Variants in PPP1R12B observed in about 807,000 individuals in gnomAD.
PPP1R12B encodes protein phosphatase 1 regulatory subunit 12B.
Under a neutral mutation model 126.1 loss-of-function variants are expected in PPP1R12B, and 76 were observed. The ratio of observed to expected loss-of-function variants is 0.60; its 90% confidence interval spans 0.50 to 0.73. The LOEUF (loss-of-function observed/expected upper bound fraction) is 0.73. PPP1R12B is among the 30% of genes least tolerant of loss of function. The pLI is 0.00. For missense variants in PPP1R12B, 1,052 were observed against 1,205.1 expected, an observed-to-expected ratio of 0.87 and a Z score of 1.88; for synonymous variants, 356 against 434.7, an observed-to-expected ratio of 0.82 and a Z score of 2.25.
rs773926784 is a variant in PPP1R12B at position 202,562,606 on chromosome 1, C to T, written c.2508-172C>T. 14 of 819,312 alleles carry T rather than the reference C, an allele frequency of 1.7e-5. No homozygotes were observed. The South Asian group carries it at 1.7e-4, about 10-fold the overall frequency. 50.8% of individuals were successfully genotyped at this position (819,312 alleles called of 1,614,324 possible). A position where few individuals can be genotyped will look rare whatever the true frequency, so the allele number is the denominator to read the frequency against. On this transcript the variant is annotated intron_variant, in intron 19 of 23. Transcript: ENST00000608999. ...CTCTCCAAGCTCGTGCAGTTTAGCC[C>T]TGAGGTCTGGGAACGCTGGCAGAGA...
intron 18 of PPP1R12B, among the ~76,000 whole-genome samples, chr1:202,532,381 C>T (rs1163393795): frequency 3.3e-5 from 5 of 152,140 alleles, no homozygotes; most frequent in Non-Finnish European, 5.9e-5. Context: ...ACTGAGAATG[C>T]CTTAACCTCT....
intron 18 of PPP1R12B, among the ~76,000 whole-genome samples, chr1:202,519,238 G>T (rs1230693564): frequency 6.6e-6 from 1 of 151,944 alleles, no homozygotes; most frequent in Non-Finnish European, 1.5e-5. Context: ...AGTTTTCCTT[G>T]CCACTTCAAC....
chr1:202,446,574 A>C (rs1373960500), intron 12 of PPP1R12B, among the ~76,000 whole-genome samples: 4 of 148,096 alleles, frequency 2.7e-5, no homozygotes, highest in Non-Finnish European at 6.0e-5. Flanking sequence ...ACTATATTTT[A>C]CATATATAAT....
chr1:202,436,293 A>AC (rs1558223239), intron 9 of PPP1R12B, among the ~76,000 whole-genome samples: 2 of 151,848 alleles, frequency 1.3e-5, no homozygotes, highest in African/African-American at 4.8e-5. Flanking sequence ...CAACAACAAC[A>AC]ACACACACAC....
chr1:202,366,290 G>A (rs1210509468), intron 1 of PPP1R12B, among the ~76,000 whole-genome samples: 3 of 151,958 alleles, frequency 2.0e-5, no homozygotes, highest in East Asian at 3.9e-4. Flanking sequence ...AGGCTGAGGC[G>A]GGCAGATCAC....
At position 202,474,701 on chromosome 1, in the gene PPP1R12B, T is replaced by C. The variant is rs75712880; in HGVS notation, c.1851-13832T>C. On this transcript the variant is annotated intron_variant, in intron 13 of 23. Transcript: ENST00000608999. ...ATTGGATTCTCGGGACTTCTAGAGC[T>C]GTGGTGTGCAGTATGGTAATCAGTA... Among the ~76,000 whole-genome samples, 812 of 152,324 alleles carry C rather than the reference T, an allele frequency of 5.3e-3. 5 individuals are homozygous for C. The highest frequency in any genetic ancestry group is 0.018 in the African/African-American group (744 of 41,576).
At chr1:202,432,677 T>C (rs1571987737) in intron 8 of PPP1R12B, among the ~76,000 whole-genome samples, 1 of 152,336 alleles carries the variant, frequency 6.6e-6, no homozygotes, top group South Asian at 2.1e-4. Flanking sequence ...GGTTTTGATT[T>C]ATAGTCAGGC....
At chr1:202,441,396 G>A (rs1298586006) in intron 11 of PPP1R12B, among the ~76,000 whole-genome samples, 2 of 152,042 alleles carry the variant, frequency 1.3e-5, no homozygotes, top group Admixed American at 6.6e-5. Context: ...TCCAGACCTC[G>A]AGTGGTCCTC....
At chr1:202,418,526 C>T (rs558421375) in intron 2 of PPP1R12B, among the ~76,000 whole-genome samples, 1 of 150,586 alleles carries the variant, frequency 6.6e-6, no homozygotes, top group African/African-American at 2.4e-5. Context: ...AAATATAATT[C>T]TTCTGGAAGT....
chr1:202,566,592 C>T (rs1688069518), intron 21 of PPP1R12B, among the ~76,000 whole-genome samples: 1 of 152,196 alleles, frequency 6.6e-6, no homozygotes, highest in Non-Finnish European at 1.5e-5. Flanking sequence ...ATGAAATCAT[C>T]ACAACTTCTA....
intron 8 of PPP1R12B, among the ~76,000 whole-genome samples, chr1:202,434,087 C>G (rs1009742423): frequency 2.6e-5 from 4 of 152,170 alleles, no homozygotes; most frequent in South Asian, 4.1e-4. Flanking sequence ...TACAATAAAA[C>G]TTTACATTTG....
intron 10 of PPP1R12B, chr1:202,439,298 T>C (rs950690535): frequency 1.4e-6 from 2 of 1,418,856 alleles, no homozygotes; most frequent in South Asian, 2.3e-5. Context: ...GTGAGTACAG[T>C]GAGGCCATCT....
intron 1 of PPP1R12B, among the ~76,000 whole-genome samples, chr1:202,411,517 C>T (rs544876639): frequency 5.9e-5 from 9 of 151,782 alleles, no homozygotes; most frequent in Non-Finnish European, 1.3e-4. Context: ...ACATTTTTAA[C>T]CAAACTTCTT....
chr1:202,379,650 G>A (rs1316921844), intron 1 of PPP1R12B, among the ~76,000 whole-genome samples: 1 of 152,200 alleles, frequency 6.6e-6, no homozygotes, highest in Non-Finnish European at 1.5e-5. Context: ...GATTGCCATA[G>A]TCTGCCATAG....
chr1:202,400,169 A>G (rs545001837), intron 1 of PPP1R12B, among the ~76,000 whole-genome samples: 14 of 152,370 alleles, frequency 9.2e-5, no homozygotes, highest in African/African-American at 3.4e-4. Flanking sequence ...AGCTGCATCC[A>G]TGTTACTGGA....
chr1:202,349,323 C>T (rs1343657443), intron 1 of PPP1R12B, among the ~76,000 whole-genome samples, 181 bp downstream of exon 1: 2 of 152,122 alleles, frequency 1.3e-5, no homozygotes, highest in African/African-American at 4.8e-5. Flanking sequence ...TTTTTCTGAC[C>T]CCAGGGTCTT....
chr1:202,516,542 G>A (rs1056929113), intron 18 of PPP1R12B, among the ~76,000 whole-genome samples: 12 of 151,972 alleles, frequency 7.9e-5, no homozygotes, highest in Non-Finnish European at 1.5e-4. Context: ...TGCGTATAAC[G>A]ATTTTGATGG....
chr1:202,354,747 A>G lies in PPP1R12B; in HGVS notation c.291+5605A>G, dbSNP rs568293852. ...ACTGCAACCTCTGCGTCCCGGGCTC[A>G]AGCAATTCTCCTGCCGTAGCCTCCT... is the stretch of plus-strand genomic sequence containing the variant. On this transcript the variant is annotated intron_variant, in intron 1 of 23. Coordinates refer to ENST00000608999, the MANE Select transcript of PPP1R12B (RefSeq NM_002481.4). Among the ~76,000 whole-genome samples, 1,193 of 151,336 alleles carry G rather than the reference A, an allele frequency of 7.9e-3. 14 individuals are homozygous for G. Among genetic ancestry groups the G allele is most frequent in the African/African-American group, 0.027 (1,125 of 41,170 alleles).
At chr1:202,376,755 A>G (rs1661239413) in intron 1 of PPP1R12B, among the ~76,000 whole-genome samples, 1 of 152,126 alleles carries the variant, frequency 6.6e-6, no homozygotes, top group Admixed American at 6.5e-5. Flanking sequence ...TATAATATAA[A>G]TATTAAATAA....
Sources: allele counts gnomAD v4.1 joint callset (sites outside exome capture counted in the v4.1 genomes callset), GRCh38; gene constraint gnomAD v4.1.1; transcripts MANE v1.5; gene names NCBI Gene and HGNC (gene_info 2026-07-23, HGNC 2026-07-21).